The following GLDC variants were observed in gnomAD, a reference collection of about 807,000 sequenced individuals.
GLDC encodes the protein glycine dehydrogenase (decarboxylating), mitochondrial.
GLDC carries 104 observed loss-of-function variants against 121.3 expected under a neutral mutation model. That is an observed-to-expected ratio of 0.86 (90% CI 0.73 to 1.01). The LOEUF (loss-of-function observed/expected upper bound fraction) is 1.01. GLDC is among the 50% of genes least tolerant of loss of function. The probability of loss-of-function intolerance (pLI) is 0.00; values close to 1 mark genes in which losing one functional copy is unlikely to be tolerated. For synonymous variants in GLDC, 546 were observed against 480.6 expected (o/e 1.14, Z -1.78); for missense variants, 1,429 against 1,306.6 (o/e 1.09, Z -1.44).
At chr9:6,635,346 G>A (rs1819479839) in intron 2 of GLDC, among the ~76,000 whole-genome samples, 1 of 152,142 alleles carries the variant, frequency 6.6e-6, no homozygotes, top group African/African-American at 2.4e-5. Context: ...TGATAACAAA[G>A]GTGATAGCAA....
intron 2 of GLDC, among the ~76,000 whole-genome samples, chr9:6,637,631 T>C (rs1314473497): frequency 6.6e-6 from 1 of 152,012 alleles, no homozygotes; most frequent in African/African-American, 2.4e-5. Context: ...CACAGCCAGC[T>C]AATTTTTGTA....
intron 2 of GLDC, among the ~76,000 whole-genome samples, chr9:6,638,698 T>C (rs1201145373): frequency 6.6e-6 from 1 of 152,174 alleles, no homozygotes; most frequent in African/African-American, 2.4e-5. Flanking sequence ...CCCTTGGAGA[T>C]AGTGACTATG....
chr9:6,620,690 G>A (rs1362047424), intron 2 of GLDC, among the ~76,000 whole-genome samples: 1 of 152,126 alleles, frequency 6.6e-6, no homozygotes, highest in African/African-American at 2.4e-5. Context: ...AAAATACTGT[G>A]TTTTACCTTC....
chr9:6,632,328 C>G (rs1369624179), intron 2 of GLDC, among the ~76,000 whole-genome samples: 1 of 152,162 alleles, frequency 6.6e-6, no homozygotes, highest in Admixed American at 6.5e-5. Flanking sequence ...CAGTGGAAAC[C>G]TGCAGCTATT....
intron 2 of GLDC, among the ~76,000 whole-genome samples, chr9:6,640,666 C>T (rs955293748): frequency 6.6e-6 from 1 of 152,196 alleles, no homozygotes; most frequent in African/African-American, 2.4e-5. Context: ...AAGCAATGTG[C>T]AATTTTGTGT....
At chr9:6,561,402 A>G (rs752650210) in intron 16 of GLDC, among the ~76,000 whole-genome samples, 2 of 152,158 alleles carry the variant, frequency 1.3e-5, no homozygotes, top group Non-Finnish European at 2.9e-5. Flanking sequence ...TAATCCCAGC[A>G]CTTTGGGAGG....
chr9:6,607,796 T>C (rs1263413991), intron 4 of GLDC, among the ~76,000 whole-genome samples: 2 of 151,614 alleles, frequency 1.3e-5, no homozygotes, highest in African/African-American at 2.4e-5. Context: ...ACTACGGGCA[T>C]GTGCCACCAT....
intron 3 of GLDC, among the ~76,000 whole-genome samples, chr9:6,619,428 T>C (rs901607545): frequency 6.6e-6 from 1 of 151,900 alleles, no homozygotes; most frequent in Non-Finnish European, 1.5e-5. Context: ...CTGTCCCCCT[T>C]AAAAATCCTG....
At chr9:6,634,284 C>G (rs879510037) in intron 2 of GLDC, among the ~76,000 whole-genome samples, 7 of 151,990 alleles carry the variant, frequency 4.6e-5, no homozygotes, top group Admixed American at 2.6e-4. Flanking sequence ...AATTCCAGCA[C>G]TTTGAGAGGC....
At chr9:6,594,900 T>A (rs904434149) in intron 9 of GLDC, 114 bp downstream of exon 9, 1 of 758,176 alleles carries the variant, frequency 1.3e-6, no homozygotes, top group Non-Finnish European at 2.4e-6. Flanking sequence ...TTTTTCCTCG[T>A]TTCTCACTTG....
At chr9:6,621,267 A>T (rs1317580660) in intron 2 of GLDC, among the ~76,000 whole-genome samples, 1 of 152,212 alleles carries the variant, frequency 6.6e-6, no homozygotes, top group African/African-American at 2.4e-5. Flanking sequence ...ATGTACTTGG[A>T]TGCAGGTGGG....
intron 2 of GLDC, among the ~76,000 whole-genome samples, chr9:6,634,358 A>G (rs1376174227): frequency 6.6e-6 from 1 of 151,926 alleles, no homozygotes; most frequent in East Asian, 1.9e-4. Context: ...GCGAAACTCC[A>G]TCTCTACAAA....
At chr9:6,550,985 G>A in intron 20 of GLDC, 71 bp from the exon 21 acceptor site, 2 of 950,348 alleles carry the variant, frequency 2.1e-6, no homozygotes, top group South Asian at 2.6e-5. Context: ...CCAACCAAAA[G>A]ACACCCCCAG....
chr9:6,615,389 G>A (rs1265271608), intron 3 of GLDC, among the ~76,000 whole-genome samples: 1 of 151,078 alleles, frequency 6.6e-6, no homozygotes, highest in Admixed American at 6.6e-5. Flanking sequence ...ATCAGCCTGG[G>A]CAACACAGAG....
intron 24 of GLDC, among the ~76,000 whole-genome samples, chr9:6,534,388 G>C (rs949885893): frequency 2.0e-5 from 3 of 151,960 alleles, no homozygotes; most frequent in Non-Finnish European, 2.9e-5. Context: ...CTCCATATAA[G>C]AATCAGAAAG....
At chr9:6,595,950 G>A (rs1436940632) in intron 8 of GLDC, among the ~76,000 whole-genome samples, 1 of 152,198 alleles carries the variant, frequency 6.6e-6, no homozygotes, top group Non-Finnish European at 1.5e-5. Flanking sequence ...TTCCAAAGGT[G>A]AAGTCAGCAA....
At chr9:6,610,436 G>A (rs1036653550) in intron 3 of GLDC, 80 bp from the exon 4 acceptor site, 1 of 1,394,792 alleles carries the variant, frequency 7.2e-7, no homozygotes. Flanking sequence ...TCAGAATTCA[G>A]TACCTGAAAA....
chr9:6,557,174 C>T (rs1316561558), intron 17 of GLDC, among the ~76,000 whole-genome samples: 3 of 151,914 alleles, frequency 2.0e-5, no homozygotes, highest in Non-Finnish European at 4.4e-5. Context: ...GTTCCCTCAA[C>T]ACAAAGAAAT....
intron 15 of GLDC, among the ~76,000 whole-genome samples, chr9:6,574,111 A>C (rs1818016780): frequency 6.6e-6 from 1 of 152,210 alleles, no homozygotes; most frequent in South Asian, 2.1e-4. Context: ...AACGTAGATA[A>C]ATCAGCTGGT....
Sources: gnomAD v4.1 joint callset for allele counts (sites outside exome capture counted in the v4.1 genomes callset) on GRCh38, gnomAD v4.1.1 for gene constraint, MANE v1.5 for transcripts, NCBI Gene and HGNC (gene_info 2026-07-23, HGNC 2026-07-21) for gene names.